PSG5: variants seen among roughly 807,000 people sequenced by gnomAD.
PSG5 encodes the protein pregnancy-specific beta-1-glycoprotein 5.
In PSG5, 53 loss-of-function variants were observed where a neutral mutation model predicts 37.7. The observed-to-expected ratio is 1.41, with a 90% confidence interval of 1.13 to 1.77. PSG5 has a LOEUF of 1.77. PSG5 is among the 40% of genes most tolerant of loss of function. The pLI, the probability that PSG5 is intolerant of heterozygous loss-of-function variation, is 0.00. For synonymous variants in PSG5, 221 were observed against 155.4 expected (o/e 1.42, Z -3.14); for missense variants, 547 against 405.2 (o/e 1.35, Z -3.00).
intron 5 of PSG5, 114 bp from the exon 6 acceptor site, chr19:43,168,317 G>A: frequency 3.1e-6 from 1 of 320,322 alleles, no homozygotes; most frequent in Non-Finnish European, 5.8e-6. Context: ...ATGACACTAT[G>A]GTAACATATT....
chr19:43,184,294 A>G (rs1318586380), intron 2 of PSG5, among the ~76,000 whole-genome samples: 1 of 151,584 alleles, frequency 6.6e-6, no homozygotes, highest in Non-Finnish European at 1.5e-5. Flanking sequence ...CAGCTGGTAA[A>G]TTCTTGGTCC....
intron 2 of PSG5, chr19:43,178,947 G>T: frequency 6.2e-7 from 1 of 1,612,808 alleles, no homozygotes; most frequent in Non-Finnish European, 8.5e-7. Flanking sequence ...ACATTCATAG[G>T]GTCCTGCAAT....
At chr19:43,184,194 T>A (rs1334021283) in intron 2 of PSG5, among the ~76,000 whole-genome samples, 1 of 151,680 alleles carries the variant, frequency 6.6e-6, no homozygotes, top group African/African-American at 2.4e-5. Context: ...ACTCTGAGTG[T>A]CAGGTGAAGA....
chr19:43,168,533 A>C (rs553793436), intron 5 of PSG5, among the ~76,000 whole-genome samples: 1 of 151,188 alleles, frequency 6.6e-6, no homozygotes, highest in East Asian at 1.9e-4. Flanking sequence ...CACGCCCGGC[A>C]AATTTTGTTT....
intron 1 of PSG5, 80 bp from the exon 2 acceptor site, chr19:43,185,227 G>T: frequency 6.9e-7 from 1 of 1,456,836 alleles, no homozygotes; most frequent in South Asian, 1.3e-5. Context: ...TCCTGAGAAG[G>T]TCTCTTCAAT....
intron 2 of PSG5, chr19:43,178,888 T>C: frequency 6.2e-7 from 1 of 1,612,872 alleles, no homozygotes. Flanking sequence ...CGGAGGAGAT[T>C]CAGGGTGACT....
At chr19:43,174,131 T>C (rs1317548065) in intron 4 of PSG5, 2 of 151,738 alleles carry the variant, frequency 1.3e-5, no homozygotes, top group African/African-American at 2.4e-5. Flanking sequence ...AATTATCATA[T>C]AATTCCATTT....
At chr19:43,170,637 C>A in intron 4 of PSG5, 1 of 259,230 alleles carries the variant, frequency 3.9e-6, no homozygotes, top group South Asian at 5.1e-5. Context: ...GCCTAGTTCT[C>A]TGAGGCTCTC....
At chr19:43,178,995 G>A in intron 2 of PSG5, 1 of 1,612,760 alleles carries the variant, frequency 6.2e-7, no homozygotes, top group Non-Finnish European at 8.5e-7. Flanking sequence ...GGTCCTGTTG[G>A]TTTTGGACAG....
At chr19:43,168,776 A>G (rs553530488) in intron 5 of PSG5, among the ~76,000 whole-genome samples, 1 of 151,588 alleles carries the variant, frequency 6.6e-6, no homozygotes, top group Non-Finnish European at 1.5e-5. Context: ...AATATATCAA[A>G]TAAGGTGGCT....
At chr19:43,182,815 C>T (rs1052431249) in intron 2 of PSG5, among the ~76,000 whole-genome samples, 2 of 145,690 alleles carry the variant, frequency 1.4e-5, no homozygotes, top group East Asian at 2.0e-4. Flanking sequence ...AGGTCAGCCT[C>T]ACAAAGGGAA....
At chr19:43,181,798 A>G (rs1343821846) in intron 2 of PSG5, among the ~76,000 whole-genome samples, 1 of 151,682 alleles carries the variant, frequency 6.6e-6, no homozygotes, top group African/African-American at 2.4e-5. Context: ...AGTTTGTTCA[A>G]CTTTTTACTT....
chr19:43,173,431 T>C (rs919907182), intron 4 of PSG5, among the ~76,000 whole-genome samples: 3 of 151,668 alleles, frequency 2.0e-5, no homozygotes, highest in Non-Finnish European at 4.4e-5. Context: ...TATGAAATGA[T>C]AAAAATATTT....
intron 2 of PSG5, among the ~76,000 whole-genome samples, chr19:43,184,347 G>T (rs1447744070): frequency 6.6e-6 from 1 of 151,636 alleles, no homozygotes; most frequent in Non-Finnish European, 1.5e-5. Flanking sequence ...CACTGGCACA[G>T]GCTCCTCAGC....
intron 2 of PSG5, among the ~76,000 whole-genome samples, chr19:43,176,677 G>A (rs1210155717): frequency 6.6e-6 from 1 of 150,950 alleles, no homozygotes; most frequent in African/African-American, 2.5e-5. Context: ...AAATAACACA[G>A]GAGAGACCAG....
intron 2 of PSG5, among the ~76,000 whole-genome samples, chr19:43,181,124 A>G (rs1969119382): frequency 6.6e-6 from 1 of 151,660 alleles, no homozygotes; most frequent in Non-Finnish European, 1.5e-5. Flanking sequence ...TGGCATCATC[A>G]TGAGGAAACA....
intron 5 of PSG5, 99 bp downstream of exon 5, chr19:43,169,956 G>A (rs924583664): frequency 5.7e-6 from 4 of 707,322 alleles, no homozygotes; most frequent in East Asian, 3.5e-5. Flanking sequence ...GGAGGAAGGA[G>A]GAGATGCAGT....
chr19:43,179,109 TC>T (rs1969073468), intron 2 of PSG5: 5 of 1,607,470 alleles, frequency 3.1e-6, no homozygotes, highest in African/African-American at 1.3e-5. Context: ...CTCCATGGCC[TC>T]CCTGGGGTTT....
In PSG5 at chr19:43,170,970, T is replaced by C. The variant is rs1168257720; in HGVS notation, c.965-832A>G. 6 of 150,784 alleles carry C rather than the reference T, an allele frequency of 4.0e-5. 1 individual carries two copies. The highest frequency in any genetic ancestry group is 1.3e-4 in the Admixed American group (2 of 15,084). 9.3% of individuals were successfully genotyped at this position (150,784 alleles called of 1,614,324 possible). A position where few individuals can be genotyped will look rare whatever the true frequency, so the allele number is the denominator to read the frequency against. The stretch of plus-strand genomic sequence containing the variant: ...AGTCAGTAACCATGTCCTAGTGTTT[T>C]ATGTGTTACCTCTTTTTCCATATAT... On this transcript the variant is annotated intron_variant, in intron 4 of 5. Coordinates refer to ENST00000342951, the MANE Select transcript of PSG5 (RefSeq NM_002781.4).
Sources: gnomAD v4.1 joint callset for allele counts (sites outside exome capture counted in the v4.1 genomes callset) on GRCh38, gnomAD v4.1.1 for gene constraint, MANE v1.5 for transcripts, NCBI Gene and HGNC (gene_info 2026-07-23, HGNC 2026-07-21) for gene names.